Variants in ATP2C1 observed in about 807,000 individuals in gnomAD.
ATP2C1 encodes the protein ATPase secretory pathway Ca2+ transporting 1.
ATP2C1 carries 31 observed loss-of-function variants against 120.5 expected under a neutral mutation model. That is an observed-to-expected ratio of 0.26 (90% CI 0.19 to 0.35). The LOEUF (loss-of-function observed/expected upper bound fraction) is 0.35, where lower values mean the gene tolerates loss of function less well. Ranked by LOEUF, ATP2C1 falls within the 10% of genes least tolerant of loss-of-function variation. The pLI, the probability that ATP2C1 is intolerant of heterozygous loss-of-function variation, is 1.00. For missense variants in ATP2C1, 731 were observed against 1,107.5 expected, an observed-to-expected ratio of 0.66 and a Z score of 4.83; for synonymous variants, 351 against 358.7, an observed-to-expected ratio of 0.98 and a Z score of 0.24.
intron 2 of ATP2C1, among the ~76,000 whole-genome samples, chr3:130,929,071 T>A (rs1697127126): frequency 6.6e-6 from 1 of 152,208 alleles, no homozygotes; most frequent in South Asian, 2.1e-4. Context: ...GTTTTTACAT[T>A]TCTTAATTAT....
chr3:130,886,037 A>G lies in ATP2C1; in HGVS notation c.108+35109A>G, dbSNP rs1009403426. ...TTAGGACAAATCTAGCATTGATGAA[A>G]TCCCTCAGCTTTTGTTTGTCTGGGA... is the stretch of plus-strand genomic sequence containing the variant. On this transcript the variant is annotated intron_variant, in intron 1 of 26. Transcript: ENST00000504381. 3.9e-4 allele frequency among the ~76,000 whole-genome samples: 59 copies of G among 152,146 alleles called. 1 individual carries two copies. Among genetic ancestry groups the G allele is most frequent in the African/African-American group, 1.4e-3 (59 of 41,414 alleles).
chr3:130,869,598 C>A (rs1311965764), intron 1 of ATP2C1, among the ~76,000 whole-genome samples: 2 of 152,150 alleles, frequency 1.3e-5, no homozygotes, highest in Non-Finnish European at 2.9e-5. Context: ...AGTGAACACA[C>A]AAATGATAAG....
At chr3:130,914,789 C>T (rs541796334) in intron 2 of ATP2C1, among the ~76,000 whole-genome samples, 1 of 152,170 alleles carries the variant, frequency 6.6e-6, no homozygotes, top group African/African-American at 2.4e-5. Flanking sequence ...ATTGCCCATC[C>T]CTTTCACGTT....
intron 4 of ATP2C1, among the ~76,000 whole-genome samples, chr3:130,934,369 G>C (rs2059575049): frequency 6.6e-6 from 1 of 151,898 alleles, no homozygotes; most frequent in African/African-American, 2.4e-5. Flanking sequence ...TATACTATAA[G>C]GAATTGGTTA....
chr3:130,973,619 C>T (rs1157133216), intron 17 of ATP2C1, among the ~76,000 whole-genome samples: 2 of 152,052 alleles, frequency 1.3e-5, no homozygotes, highest in Non-Finnish European at 2.9e-5. Context: ...GATTTCATCA[C>T]CATACTCAGA....
At chr3:130,983,311 T>G (rs2061853660) in intron 20 of ATP2C1, among the ~76,000 whole-genome samples, 1 of 152,230 alleles carries the variant, frequency 6.6e-6, no homozygotes, top group Non-Finnish European at 1.5e-5. Context: ...TAATAATTAA[T>G]AAGCCTTATT....
intron 8 of ATP2C1, among the ~76,000 whole-genome samples, chr3:130,950,839 A>G (rs529094046): frequency 4.0e-5 from 6 of 151,524 alleles, no homozygotes; most frequent in Admixed American, 2.6e-4. Context: ...TGACAGAGCC[A>G]TGAAATCATG....
chr3:130,940,700 CT>C lies in ATP2C1; in HGVS notation c.422+16del, dbSNP rs765847983. 8.1e-6 allele frequency: 13 copies of C among 1,604,682 alleles called. No homozygotes were observed. The highest frequency in any genetic ancestry group is 1.1e-5 in the Non-Finnish European group (13 of 1,172,250). On this transcript the variant is annotated intron_variant, in intron 7 of 27. Coordinates refer to ENST00000510168, the MANE Select transcript of ATP2C1 (RefSeq NM_001378687.1). ...CCACCAGAATGCCATTGGTATGATCCTTTTTTTGGTATGGATTTCTGCCCCT... is the reference window on the plus strand; with the variant it reads ...CCACCAGAATGCCATTGGTATGATCCTTTTTTGGTATGGATTTCTGCCCCT...
At chr3:130,905,236 T>C (rs927008884) in intron 2 of ATP2C1, among the ~76,000 whole-genome samples, 9 of 152,044 alleles carry the variant, frequency 5.9e-5, no homozygotes, top group African/African-American at 2.2e-4. Context: ...TGTATATGTT[T>C]GGTAACATGT....
intron 1 of ATP2C1, among the ~76,000 whole-genome samples, chr3:130,876,498 T>C (rs905647973): frequency 6.6e-6 from 1 of 152,074 alleles, no homozygotes; most frequent in Non-Finnish European, 1.5e-5. Context: ...TCTGTTTTTA[T>C]CTTGCTGTTT....
At chr3:130,959,881 C>G (rs2060746253) in intron 12 of ATP2C1, among the ~76,000 whole-genome samples, 1 of 151,648 alleles carries the variant, frequency 6.6e-6, no homozygotes, top group Admixed American at 6.6e-5. Flanking sequence ...AGAGGTCTCC[C>G]CCCAAAAAGA....
In ATP2C1 at chr3:131,001,461, C is replaced by G. The variant is rs753896797; in HGVS notation, c.*111C>G. On this transcript the variant is annotated 3_prime_UTR_variant, in exon 28 of 28. Coordinates refer to ENST00000510168, the MANE Select transcript of ATP2C1 (RefSeq NM_001378687.1). ...TGAGAACTTTTTAACTATTCATTGACTAAAAATGAACATTAATGTTAAAGA... is the reference window on the plus strand; with the variant it reads ...TGAGAACTTTTTAACTATTCATTGAGTAAAAATGAACATTAATGTTAAAGA... 4.4e-4 allele frequency: 633 copies of G among 1,454,986 alleles called. 1 individual carries two copies. Among genetic ancestry groups the G allele is most frequent in the Non-Finnish European group, 5.4e-4 (598 of 1,104,986 alleles). The allele number at this position is 1,454,986 out of a possible 1,614,324, so 90.1% of individuals were successfully genotyped here. A position where few individuals can be genotyped will look rare whatever the true frequency, so the allele number is the denominator to read the frequency against.
intron 1 of ATP2C1, among the ~76,000 whole-genome samples, chr3:130,874,322 T>G (rs2068531114): frequency 6.6e-6 from 1 of 152,226 alleles, no homozygotes; most frequent in Admixed American, 6.5e-5. Context: ...CTTTATCTGC[T>G]AATATGGCAA....
In ATP2C1 at chr3:130,959,288, G is replaced by A. The variant is rs1376136513; in HGVS notation, c.846G>A (p.Leu282=). Residue 282 remains leucine, a synonymous_variant, in exon 12 of 28, where the codon TTG becomes TTA. Coordinates refer to ENST00000510168, the MANE Select transcript of ATP2C1 (RefSeq NM_001378687.1). ...YSFGIIGIIM[L]VGWLLGKDIL... ...ATTATCTTTCAGGAATCATCATGTT[G>A]GTTGGCTGGTTACTGGGAAAAGATA... The A allele has an allele frequency of 6.2e-7, 1 of 1,607,422 alleles. No homozygotes were observed. The highest frequency in any genetic ancestry group is 8.5e-7 in the Non-Finnish European group (1 of 1,174,640).
At chr3:131,012,260 C>CTTTTTT (rs71620100) in intron 26 of ATP2C1, among the ~76,000 whole-genome samples, 1 of 127,212 alleles carries the variant, frequency 7.9e-6, no homozygotes, top group Non-Finnish European at 1.6e-5. Flanking sequence ...TTTCTTTTTT[C>CTTTTTT]TTTTTTTTTT....
intron 26 of ATP2C1, among the ~76,000 whole-genome samples, chr3:131,014,938 G>A (rs1474601368): frequency 6.6e-6 from 1 of 152,186 alleles, no homozygotes; most frequent in Non-Finnish European, 1.5e-5. Flanking sequence ...GTTATGCTAA[G>A]ATTCAAGAAC....
intron 2 of ATP2C1, chr3:130,918,714 G>C (rs1281651168): frequency 6.8e-6 from 3 of 440,998 alleles, no homozygotes; most frequent in Non-Finnish European, 1.3e-5. Flanking sequence ...GCAGTGGGCC[G>C]GGCGCGGTGG....
intron 6 of ATP2C1, among the ~76,000 whole-genome samples, chr3:130,938,712 C>G (rs2059774535): frequency 6.6e-6 from 1 of 152,210 alleles, no homozygotes; most frequent in Non-Finnish European, 1.5e-5. Flanking sequence ...GGCAGCTATT[C>G]ATTCAGCCAA....
chr3:130,923,864 CAAAAAA>C (rs59951169), intron 2 of ATP2C1, among the ~76,000 whole-genome samples: 2 of 89,056 alleles, frequency 2.2e-5, no homozygotes, highest in Non-Finnish European at 2.5e-5. Flanking sequence ...GACTCTGTCT[CAAAAAA>C]AAAAAAAAAA....
Sources: allele counts gnomAD v4.1 joint callset (sites outside exome capture counted in the v4.1 genomes callset), GRCh38; gene constraint gnomAD v4.1.1; transcripts MANE v1.5; gene names NCBI Gene and HGNC (gene_info 2026-07-23, HGNC 2026-07-21).